The following GDAP1L1 variants were observed in gnomAD, a reference collection of about 807,000 sequenced individuals.
GDAP1L1 encodes the protein ganglioside induced differentiation associated protein 1 like 1.
In GDAP1L1, 21 loss-of-function variants were observed where a neutral mutation model predicts 37.1. The observed-to-expected ratio is 0.57, with a 90% CI of 0.40 to 0.81. The LOEUF (loss-of-function observed/expected upper bound fraction) is 0.81, where lower values mean the gene tolerates loss of function less well. Ranked by LOEUF, GDAP1L1 falls within the 40% of genes least tolerant of loss-of-function variation. The probability of loss-of-function intolerance (pLI) is 0.00; values close to 1 mark genes in which losing one functional copy is unlikely to be tolerated. For missense variants in GDAP1L1, 362 were observed against 491.6 expected, an observed-to-expected ratio of 0.74 and a Z score of 2.49; for synonymous variants, 193 against 209.1, an observed-to-expected ratio of 0.92 and a Z score of 0.67.
At chr20:44,255,195 C>T (rs12480390) in intron 1 of GDAP1L1, among the ~76,000 whole-genome samples, 13,073 of 151,990 alleles carry the variant, frequency 0.086, 1,160 homozygotes, top group East Asian at 0.36. Context: ...AGCGGGCCTC[C>T]GAGGCAATTA....
intron 3 of GDAP1L1, among the ~76,000 whole-genome samples, chr20:44,260,185 G>T (rs1022492758): frequency 2.6e-5 from 4 of 151,690 alleles, no homozygotes; most frequent in African/African-American, 9.7e-5. Context: ...TAAGTTATGG[G>T]TACTTCCATA....
At chr20:44,262,343 G>A (rs1332154386) in intron 3 of GDAP1L1, among the ~76,000 whole-genome samples, 1 of 152,114 alleles carries the variant, frequency 6.6e-6, no homozygotes, top group Admixed American at 6.5e-5. Flanking sequence ...AGAATCAACA[G>A]GACCTGGGAA....
rs553352075 is a variant in GDAP1L1, at chr20:44,277,846, T to C, written c.761-1111T>C. Among the ~76,000 whole-genome samples the C allele has an allele frequency of 1.9e-3, 294 of 152,104 alleles. 1 individual carries two copies. Among genetic ancestry groups the C allele is most frequent in the Non-Finnish European group, 3.5e-3 (237 of 67,972 alleles). On this transcript the variant is annotated intron_variant, in intron 5 of 5. Transcript: ENST00000342560. The stretch of plus-strand genomic sequence containing the variant: ...ATGGAAATTGCTGACAAATTGTATG[T>C]GGGGGTGAAAAAGAATTCATGGTGG...
chr20:44,275,198 A>G (rs1297840177), intron 5 of GDAP1L1, among the ~76,000 whole-genome samples: 1 of 152,194 alleles, frequency 6.6e-6, no homozygotes, highest in African/African-American at 2.4e-5. Flanking sequence ...CAGCCTCATC[A>G]GGTGCCTTGA....
chr20:44,263,712 C>T (rs547193365), intron 4 of GDAP1L1, among the ~76,000 whole-genome samples: 2 of 152,228 alleles, frequency 1.3e-5, no homozygotes, highest in African/African-American at 2.4e-5. Context: ...GGCATCATGG[C>T]GGATGCCTGT....
intron 5 of GDAP1L1, among the ~76,000 whole-genome samples, chr20:44,271,481 C>T (rs751074536): frequency 6.6e-6 from 1 of 152,122 alleles, no homozygotes; most frequent in Non-Finnish European, 1.5e-5. Flanking sequence ...GGCTTTCTAC[C>T]ATGGATGTCA....
At chr20:44,250,923 A>G (rs1274141187) in intron 1 of GDAP1L1, among the ~76,000 whole-genome samples, 1 of 152,066 alleles carries the variant, frequency 6.6e-6, no homozygotes. Flanking sequence ...CAGTTTTCTC[A>G]GCAGGGAAAT....
At chr20:44,257,102 A>C in intron 1 of GDAP1L1, 51 bp from the exon 2 acceptor site, 3 of 1,500,204 alleles carry the variant, frequency 2.0e-6, no homozygotes, top group Non-Finnish European at 2.7e-6. Flanking sequence ...ACCTGGGCAG[A>C]GTGTCCCCTG....
At chr20:44,247,121 C>T, upstream of GDAP1L1, 1 of 594,716 alleles carries the variant, frequency 1.7e-6, no homozygotes, top group Non-Finnish European at 3.0e-6. Flanking sequence ...ACACTGAGGG[C>T]TGGCGGCTTT....
At position 44,279,775 on chromosome 20, in the gene GDAP1L1, C is replaced by A; in HGVS notation, c.*475C>A. The stretch of plus-strand genomic sequence containing the variant: ...AAGACTCAACTCCTCTAACCGGTAC[C>A]TCTGAATGGGGCTGGATAACCGGAG... On this transcript the variant is annotated 3_prime_UTR_variant, in exon 6 of 6. Transcript: ENST00000342560. 2.1e-6 allele frequency: 1 copy of A among 471,840 alleles called. No individual in the cohort carries two copies. Among genetic ancestry groups the A allele is most frequent in the Non-Finnish European group, 4.4e-6 (1 of 227,306 alleles). The allele number at this position is 471,840 out of a possible 1,614,324, so 29.2% of individuals were successfully genotyped here.
chr20:44,251,245 G>A (rs1425399646), intron 1 of GDAP1L1, among the ~76,000 whole-genome samples: 2 of 152,208 alleles, frequency 1.3e-5, no homozygotes, highest in African/African-American at 4.8e-5. Flanking sequence ...GATAATAAGA[G>A]TTGGCTGTTG....
At chr20:44,267,911 C>G (rs1324695890) in intron 5 of GDAP1L1, among the ~76,000 whole-genome samples, 1 of 152,146 alleles carries the variant, frequency 6.6e-6, no homozygotes, top group Admixed American at 6.5e-5. Flanking sequence ...TTGCACTGTC[C>G]CATGGTGAGA....
intron 5 of GDAP1L1, among the ~76,000 whole-genome samples, chr20:44,276,436 G>GAAAGAAAGAAAGAAAGAAAT (rs1200531113): frequency 2.1e-5 from 3 of 143,776 alleles, no homozygotes; most frequent in African/African-American, 7.5e-5. Flanking sequence ...AAGAAAGAAA[G>GAAAGAAAGAAAGAAAGAAAT]AAAGAAAGAA....
rs888640961 is a variant in GDAP1L1 at position 44,277,437 on chromosome 20, T to C, written c.761-1520T>C. Among the ~76,000 whole-genome samples the C allele has an allele frequency of 2.0e-5, 3 of 151,646 alleles. No homozygotes were observed. In the East Asian group the frequency reaches 5.8e-4, roughly 29 times the overall value. On this transcript the variant is annotated intron_variant, in intron 5 of 5. Coordinates refer to ENST00000342560, the MANE Select transcript of GDAP1L1 (RefSeq NM_024034.6). ...GTAGGAATGTCCCTGATGTGAGGAG[T>C]TGCAGGAGTCCAATGTGGCTGGAGA...
intron 1 of GDAP1L1, among the ~76,000 whole-genome samples, chr20:44,247,794 T>TG (rs915847917): frequency 1.2e-4 from 12 of 98,862 alleles, no homozygotes; most frequent in African/African-American, 2.6e-4. Context: ...CGGGGCGGGT[T>TG]GGGGGGGCTG....
At position 44,266,613 on chromosome 20, in the gene GDAP1L1, G is replaced by A. The variant is rs2073765773; in HGVS notation, c.760+2054G>A. On this transcript the variant is annotated intron_variant, in intron 5 of 5. Coordinates refer to ENST00000342560, the MANE Select transcript of GDAP1L1 (RefSeq NM_024034.6). ...TGGAGGCTAGACATCTCAGATCAAG[G>A]TGCCTGTGGGGTGAGTTTCTCTCGA... 2.0e-5 allele frequency among the ~76,000 whole-genome samples: 3 copies of A among 152,124 alleles called. No individual in the cohort carries two copies. In the South Asian group the frequency reaches 6.2e-4, roughly 32 times the overall value.
chr20:44,270,449 C>T (rs1292222459), intron 5 of GDAP1L1, among the ~76,000 whole-genome samples: 2 of 152,128 alleles, frequency 1.3e-5, no homozygotes, highest in Non-Finnish European at 2.9e-5. Context: ...GGATTACAGG[C>T]GTGAGCCACC....
At chr20:44,261,969 A>G (rs2073681767) in intron 3 of GDAP1L1, among the ~76,000 whole-genome samples, 1 of 152,228 alleles carries the variant, frequency 6.6e-6, no homozygotes, top group African/African-American at 2.4e-5. Context: ...AACAGCAAGC[A>G]TGTACAGTGG....
Position 44,280,280 on chromosome 20 carries a change from T to G in GDAP1L1, c.*980T>G, listed in dbSNP as rs541448342. 6.4e-5 allele frequency: 10 copies of G among 156,418 alleles called. No individual in the cohort carries two copies. Among genetic ancestry groups the G allele is most frequent in the African/African-American group, 2.2e-4 (9 of 41,564 alleles). 9.7% of individuals were successfully genotyped at this position (156,418 alleles called of 1,614,324 possible). A position where few individuals can be genotyped will look rare whatever the true frequency, so the allele number is the denominator to read the frequency against. ...CACCCACCCCAGTCGGGTCTCACTT[T>G]CCTGTGCCTTTTGCATGTTGGGAAA... is the stretch of plus-strand genomic sequence containing the variant. On this transcript the variant is annotated 3_prime_UTR_variant, in exon 6 of 6. Coordinates refer to ENST00000342560, the MANE Select transcript of GDAP1L1 (RefSeq NM_024034.6).
Sources: gnomAD v4.1 joint callset for allele counts (sites outside exome capture counted in the v4.1 genomes callset) on GRCh38, gnomAD v4.1.1 for gene constraint, MANE v1.5 for transcripts, NCBI Gene and HGNC (gene_info 2026-07-23, HGNC 2026-07-21) for gene names.